Variants in TGIF1 observed in about 807,000 individuals in gnomAD.
TGIF1 encodes homeobox protein TGIF1.
A neutral mutation model predicts 19.3 loss-of-function variants in TGIF1; 4 were observed. The ratio of observed to expected loss-of-function variants is 0.21; its 90% CI spans 0.10 to 0.47. The LOEUF is 0.47. TGIF1 is among the 20% of genes least tolerant of loss of function. TGIF1 has a pLI of 0.98. For synonymous variants in TGIF1, 122 were observed against 129.3 expected (o/e 0.94, Z 0.38); for missense variants, 275 against 341.4 (o/e 0.81, Z 1.53).
At chr18:3,453,052 G>A (rs1956612346) in intron 1 of TGIF1, among the ~76,000 whole-genome samples, 1 of 152,058 alleles carries the variant, frequency 6.6e-6, no homozygotes, top group African/African-American at 2.4e-5. Flanking sequence ...CCTTGGATTT[G>A]GTGGCTTGAG....
At chr18:3,450,059 C>T, upstream of TGIF1, 1 of 1,010,800 alleles carries the variant, frequency 9.9e-7, no homozygotes, top group Non-Finnish European at 1.2e-6. Flanking sequence ...GTCCAGTCTT[C>T]CCGGCTGGAA....
At chr18:3,439,948 G>A (rs1356495625) in intron 2 of TGIF1, among the ~76,000 whole-genome samples, 1 of 151,818 alleles carries the variant, frequency 6.6e-6, no homozygotes, top group Non-Finnish European at 1.5e-5. Context: ...CTGAGCCCAG[G>A]AGGTGGAGGT....
rs1192088726 is a variant in TGIF1 at position 3,457,896 on chromosome 18, A to G, written c.775A>G (p.Lys259Glu). 6.2e-7 allele frequency: 1 copy of G among 1,602,582 alleles called. No individual in the cohort carries two copies. Among genetic ancestry groups the G allele is most frequent in the South Asian group, 1.1e-5 (1 of 91,082 alleles). The change falls in exon 3 of 3, where the codon AAA becomes GAA. Residue 259 changes from lysine (K) to glutamate (E), a missense_variant. Transcript: ENST00000343820. This position sits in a 1 kb window ranked among gnomAD's most constrained non-coding sequence, Gnocchi z 4.9. Reference sequence around the variant, plus strand: ...TCAGCTTCTAGTGGATGTTGCACTCAAACGGGCTGCAGAGATGGAGCTTCA... The same window carrying G: ...TCAGCTTCTAGTGGATGTTGCACTCGAACGGGCTGCAGAGATGGAGCTTCA... ...GFQLLVDVAL[K>E]RAAEMELQAK...
chr18:3,417,200 C>T (rs2082343878), intron 1 of TGIF1, among the ~76,000 whole-genome samples: 1 of 152,096 alleles, frequency 6.6e-6, no homozygotes, highest in Admixed American at 6.6e-5. Context: ...CATGCTGTGG[C>T]CTGGTCTGGA....
upstream of TGIF1, chr18:3,450,162 C>T (rs1312313347): frequency 2.4e-5 from 31 of 1,271,300 alleles, no homozygotes; most frequent in South Asian, 4.9e-4. Context: ...CTTCCCTCCT[C>T]GCCTCTCTCA....
At chr18:3,448,105 G>C (rs1016181406), upstream of TGIF1, 4 of 928,390 alleles carry the variant, frequency 4.3e-6, no homozygotes, top group Admixed American at 2.4e-4. Context: ...CCGACCGAAG[G>C]CGTGTTTTGT....
At chr18:3,448,278 C>T, upstream of TGIF1, 1 of 985,454 alleles carries the variant, frequency 1.0e-6, no homozygotes, top group South Asian at 4.7e-5. Context: ...CGTCTCTCCT[C>T]CCTCCGCTCC....
intron 2 of TGIF1, among the ~76,000 whole-genome samples, chr18:3,443,176 T>G (rs185145483): frequency 1.1e-4 from 16 of 152,346 alleles, no homozygotes; most frequent in South Asian, 2.1e-4. Flanking sequence ...TCTAATTGGC[T>G]GATGCGCGTA....
chr18:3,457,604 A>G lies in TGIF1; in HGVS notation c.483A>G (p.Ser161=), dbSNP rs753266873. The G allele has an allele frequency of 1.2e-6, 2 of 1,614,252 alleles. No homozygotes were observed. Among genetic ancestry groups the G allele is most frequent in the African/African-American group, 1.3e-5 (1 of 75,078 alleles). The change falls in exon 3 of 3, where the codon TCA becomes TCG. Residue 161 remains serine, a synonymous_variant. Coordinates refer to ENST00000343820, the MANE Select transcript of TGIF1 (RefSeq NM_003244.4). This position sits in a 1 kb window ranked among gnomAD's most constrained non-coding sequence, Gnocchi z 4.9. ...TLGRPLSPKP[S]SPGSVLARPS... The stretch of plus-strand genomic sequence containing the variant: ...GGAGGCCACTGTCTCCTAAGCCGTC[A>G]TCCCCGGGATCAGTTTTGGCTCGTC...
rs121909069 is a variant in TGIF1, at chr18:3,457,606, C to T, written c.485C>T (p.Ser162Phe). Reference sequence around the variant, plus strand: ...AGGCCACTGTCTCCTAAGCCGTCATCCCCGGGATCAGTTTTGGCTCGTCCA... The same window carrying T: ...AGGCCACTGTCTCCTAAGCCGTCATTCCCGGGATCAGTTTTGGCTCGTCCA... ...LGRPLSPKPS[S>F]PGSVLARPSV... Residue 162 changes from serine (S) to phenylalanine (F), a missense_variant, in exon 3 of 3, where the codon TCC (serine) becomes TTC (phenylalanine). Ser to Phe is a radical substitution (Grantham distance 155). Transcript: ENST00000343820. The surrounding 1 kb of genome is among the most constrained non-coding windows in gnomAD (Gnocchi z 4.9). 5.6e-6 allele frequency: 9 copies of T among 1,614,228 alleles called. No homozygotes were observed. Among genetic ancestry groups the T allele is most frequent in the Middle Eastern group, 1.6e-4 (1 of 6,062 alleles).
chr18:3,430,420 C>T (rs927640644), intron 2 of TGIF1, among the ~76,000 whole-genome samples: 1 of 152,004 alleles, frequency 6.6e-6, no homozygotes, highest in African/African-American at 2.4e-5. Context: ...CTTATATTAA[C>T]GTGTCATGAA....
At chr18:3,449,492 C>T (rs1453467697), upstream of TGIF1, 2 of 985,382 alleles carry the variant, frequency 2.0e-6, no homozygotes, top group East Asian at 1.1e-4. Flanking sequence ...GAACTCGCAG[C>T]TTTAGCCCGG....
chr18:3,455,045 T>G (rs1362602346), intron 1 of TGIF1: 1 of 152,176 alleles, frequency 6.6e-6, no homozygotes, highest in Non-Finnish European at 1.5e-5. Flanking sequence ...CAACCAAAAT[T>G]ACATACTACA....
At chr18:3,417,941 AAAG>A (rs2082353790) in intron 1 of TGIF1, among the ~76,000 whole-genome samples, 2 of 152,182 alleles carry the variant, frequency 1.3e-5, no homozygotes, top group South Asian at 4.1e-4. Context: ...TCTACAAAAA[AAAG>A]TGGGGAGTTA....
intron 1 of TGIF1, among the ~76,000 whole-genome samples, chr18:3,416,866 C>A (rs1054951390): frequency 2.0e-5 from 3 of 150,940 alleles, no homozygotes; most frequent in South Asian, 2.1e-4. Flanking sequence ...AGGAAGCGGA[C>A]GCTACAGTGA....
upstream of TGIF1, chr18:3,448,534 T>C (rs1191782005): frequency 2.0e-6 from 2 of 988,830 alleles, no homozygotes; most frequent in Non-Finnish European, 1.2e-6. Context: ...CCCCGAGCCG[T>C]TTTAGGTGTG....
chr18:3,418,984 G>A (rs2082367013), intron 2 of TGIF1: 1 of 152,176 alleles, frequency 6.6e-6, no homozygotes, highest in East Asian at 1.9e-4. Flanking sequence ...CTTGAACCTG[G>A]GAGGCCAAGG....
At chr18:3,438,866 G>A (rs1206354605) in intron 2 of TGIF1, among the ~76,000 whole-genome samples, 1 of 152,086 alleles carries the variant, frequency 6.6e-6, no homozygotes, top group African/African-American at 2.4e-5. Flanking sequence ...AAATAAGCTA[G>A]TAGAACTAAA....
rs1055672142 is a variant in TGIF1, at chr18:3,450,345, G to A, written c.-145G>A. ...AGGAGCGGGCGCCTGGGATCAGAGC[G>A]TCCTGTTTAGCAATAACGGCTGGAG... is the stretch of plus-strand genomic sequence containing the variant. On this transcript the variant is annotated 5_prime_UTR_variant, in exon 1 of 3. Coordinates refer to ENST00000343820, the MANE Select transcript of TGIF1 (RefSeq NM_003244.4). 2.3e-4 allele frequency: 347 copies of A among 1,492,716 alleles called. No homozygotes were observed. The highest frequency in any genetic ancestry group is 1.8e-4 in the Middle Eastern group (1 of 5,706). 92.5% of individuals were successfully genotyped at this position (1,492,716 alleles called of 1,614,324 possible). A position where few individuals can be genotyped will look rare whatever the true frequency, so the allele number is the denominator to read the frequency against.
Sources: allele counts gnomAD v4.1 joint callset (sites outside exome capture counted in the v4.1 genomes callset), GRCh38; gene constraint gnomAD v4.1.1; non-coding constraint Gnocchi (gnomAD v3.1); transcripts MANE v1.5; gene names NCBI Gene and HGNC (gene_info 2026-07-23, HGNC 2026-07-21).